RBM4: variants seen among roughly 807,000 people sequenced by gnomAD.
RBM4 encodes the protein RNA-binding protein 4.
In RBM4, 7 loss-of-function variants were observed where a neutral mutation model predicts 29.5. The observed-to-expected ratio is 0.24, with a 90% CI of 0.14 to 0.45. RBM4 has a LOEUF of 0.45. Ranked by LOEUF, RBM4 falls within the 20% of genes least tolerant of loss-of-function variation. The pLI, the probability that RBM4 is intolerant of heterozygous loss-of-function variation, is 1.00. For missense variants in RBM4, 387 were observed against 502.3 expected (o/e 0.77, Z 2.19); for synonymous variants, 220 against 205.4 (o/e 1.07, Z -0.61).
chr11:66,666,358 G>A (rs544137049), exon 3 of RBM4: 6 of 1,010,730 alleles, frequency 5.9e-6, no homozygotes, highest in African/African-American at 3.5e-5. Flanking sequence ...GACGTTCTTG[G>A]ATCAGTTCTG....
At chr11:66,644,927 GTT>G (rs1305157033) in intron 3 of RBM4, among the ~76,000 whole-genome samples, 4 of 141,058 alleles carry the variant, frequency 2.8e-5, no homozygotes, top group Non-Finnish European at 1.6e-5. Context: ...CTTACTTAGG[GTT>G]TTTTTTTTTT....
At chr11:66,656,393 G>A (rs1047654719) in intron 2 of RBM4, among the ~76,000 whole-genome samples, 1 of 152,034 alleles carries the variant, frequency 6.6e-6, no homozygotes, top group African/African-American at 2.4e-5. Flanking sequence ...ACCCGCCTCG[G>A]CCTCCCAAAG....
intron 2 of RBM4, chr11:66,665,573 T>C (rs746047219): frequency 1.3e-6 from 2 of 1,535,762 alleles, no homozygotes; most frequent in South Asian, 1.2e-5. Flanking sequence ...TCCGCAATTA[T>C]CCTACCTGAA....
At chr11:66,641,205 G>A (rs371703834) in intron 2 of RBM4, 36 of 152,292 alleles carry the variant, frequency 2.4e-4, no homozygotes, top group African/African-American at 8.2e-4. Flanking sequence ...GAGTATTTCC[G>A]TGACTCCTTG....
At chr11:66,644,397 A>C in intron 3 of RBM4, 2 of 492,338 alleles carry the variant, frequency 4.1e-6, no homozygotes, top group Non-Finnish European at 3.4e-6. Context: ...AAAATAAAGA[A>C]TGATGTGCTG....
At chr11:66,661,722 A>C (rs140306764) in intron 2 of RBM4, among the ~76,000 whole-genome samples, 1 of 152,146 alleles carries the variant, frequency 6.6e-6, no homozygotes, top group Non-Finnish European at 1.5e-5. Flanking sequence ...ATCATATAAG[A>C]AGTAAGGTTT....
chr11:66,648,171 A>C (rs1289754397), downstream of RBM4, among the ~76,000 whole-genome samples: 1 of 152,058 alleles, frequency 6.6e-6, no homozygotes, highest in Non-Finnish European at 1.5e-5. Context: ...GCGCCACTGC[A>C]CTCCAGCCTG....
chr11:66,653,425 G>A (rs1057351852), intron 2 of RBM4, among the ~76,000 whole-genome samples: 15 of 148,476 alleles, frequency 1.0e-4, no homozygotes, highest in Non-Finnish European at 1.8e-4. Flanking sequence ...GCAGTGATGC[G>A]ATCTCGGCTC....
chr11:66,653,196 A>G (rs1314638969), intron 2 of RBM4, among the ~76,000 whole-genome samples: 1 of 152,066 alleles, frequency 6.6e-6, no homozygotes, highest in Non-Finnish European at 1.5e-5. Flanking sequence ...TTGACCATTG[A>G]ACAACAAGGG....
chr11:66,642,112 AC>A (rs998411744), intron 2 of RBM4, among the ~76,000 whole-genome samples: 3 of 152,224 alleles, frequency 2.0e-5, no homozygotes, highest in Non-Finnish European at 2.9e-5. Flanking sequence ...ATAACCTGCA[AC>A]CTAAACTTCC....
intron 3 of RBM4, chr11:66,644,638 C>T: frequency 1.0e-6 from 1 of 968,670 alleles, no homozygotes. Context: ...GCTCAGGTCC[C>T]AGTTACTAAG....
At chr11:66,648,777 C>T (rs1303327774), downstream of RBM4, among the ~76,000 whole-genome samples, 1 of 151,726 alleles carries the variant, frequency 6.6e-6, no homozygotes, top group East Asian at 1.9e-4. Context: ...GGAGCCATTG[C>T]ACTCAAGCCT....
At chr11:66,645,519 C>G (rs1415782227) in intron 3 of RBM4, among the ~76,000 whole-genome samples, 3 of 152,110 alleles carry the variant, frequency 2.0e-5, no homozygotes, top group African/African-American at 7.2e-5. Flanking sequence ...AGTTTCTTCC[C>G]TAGTTGGAAT....
chr11:66,652,727 C>T (rs748547814), intron 2 of RBM4, among the ~76,000 whole-genome samples: 70 of 152,030 alleles, frequency 4.6e-4, no homozygotes, highest in Non-Finnish European at 8.4e-4. Flanking sequence ...GGGTTGGTTT[C>T]GGGCGTGGTG....
Position 66,640,115 on chromosome 11 carries a change from A to C in RBM4, c.404A>C (p.Glu135Ala). The change falls in exon 2 of 4, where the codon GAG becomes GCG. Residue 135 changes from glutamate to alanine, a missense_variant. By Grantham distance (107) the Glu-to-Ala change is moderately radical. Transcript: ENST00000310092. Reference sequence around the variant, plus strand: ...GCCATCAGGGGCCTTGATAACACAGAGTTTCAAGGTGAACCACCCTCTTTG... The same window carrying C: ...GCCATCAGGGGCCTTGATAACACAGCGTTTCAAGGTGAACCACCCTCTTTG... ...VEAIRGLDNT[E>A]FQGKRMHVQL... The C allele has an allele frequency of 6.2e-7, 1 of 1,614,214 alleles. No individual in the cohort carries two copies. Among genetic ancestry groups the C allele is most frequent in the Non-Finnish European group, 8.5e-7 (1 of 1,180,038 alleles).
chr11:66,659,015 A>T (rs1169573108), intron 2 of RBM4, among the ~76,000 whole-genome samples: 1 of 151,016 alleles, frequency 6.6e-6, no homozygotes, highest in African/African-American at 2.4e-5. Flanking sequence ...TTTTGCACAT[A>T]TTGGGTAAAA....
chr11:66,643,984 C>A lies in RBM4; in HGVS notation c.947C>A (p.Ala316Asp). ...RDRSPLRRAT[A>D]PVPTVGEGYG... is the part of the protein sequence containing the mutation. The stretch of plus-strand genomic sequence containing the variant: ...CGGAGCCCCCTGCGTCGCGCTACAG[C>A]CCCAGTCCCCACTGTTGGAGAGGGC... Residue 316 changes from alanine (A) to aspartate (D), a missense_variant, in exon 3 of 4, where the codon GCC becomes GAC. This residue lies in a region of RBM4 where 281 missense variants were observed against 288.7 expected (regional missense o/e 0.97). Coordinates refer to ENST00000310092, the MANE Select transcript of RBM4 (RefSeq NM_002896.4). This position sits in a 1 kb window ranked among gnomAD's most constrained non-coding sequence, Gnocchi z 6.1. 1 of 1,613,276 alleles carries A rather than the reference C, an allele frequency of 6.2e-7. No individual in the cohort carries two copies. The highest frequency in any genetic ancestry group is 8.5e-7 in the Non-Finnish European group (1 of 1,180,014).
At chr11:66,657,682 CAAA>C (rs763265823) in intron 2 of RBM4, among the ~76,000 whole-genome samples, 4 of 28,058 alleles carry the variant, frequency 1.4e-4, no homozygotes, top group African/African-American at 4.4e-4. Context: ...GATTCCATCT[CAAA>C]AAAAAAAAAA....
downstream of RBM4, chr11:66,649,809 T>C: frequency 2.9e-6 from 2 of 698,780 alleles, no homozygotes; most frequent in Non-Finnish European, 5.2e-6. Flanking sequence ...ACTCCTGAGC[T>C]CAAGGGATCC....
Sources: gnomAD v4.1 joint callset for allele counts (sites outside exome capture counted in the v4.1 genomes callset) on GRCh38, gnomAD v4.1.1 for gene constraint, gnomAD v4.1.1 regional missense constraint, Gnocchi (gnomAD v3.1) non-coding constraint, MANE v1.5 for transcripts, NCBI Gene and HGNC (gene_info 2026-07-23, HGNC 2026-07-21) for gene names.